CEP152: variants seen among roughly 807,000 people sequenced by gnomAD.
The protein encoded by CEP152 is centrosomal protein of 152 kDa.
A neutral mutation model predicts 188.9 loss-of-function variants in CEP152; 132 were observed. That is an observed-to-expected ratio of 0.70 (90% CI 0.61 to 0.81). The LOEUF (loss-of-function observed/expected upper bound fraction) is 0.81, where lower values mean the gene tolerates loss of function less well. CEP152 is among the 30% of genes least tolerant of loss of function. The pLI is 0.00. For missense variants in CEP152, 1,914 were observed against 1,969.8 expected, an observed-to-expected ratio of 0.97 and a Z score of 0.54; for synonymous variants, 649 against 666.6, an observed-to-expected ratio of 0.97 and a Z score of 0.41.
rs1432380278 is a variant in CEP152, at chr15:48,741,602, T to C, written c.4092A>G (p.Ser1364=). 1 of 1,614,180 alleles carries C rather than the reference T, an allele frequency of 6.2e-7. No individual in the cohort carries two copies. Residue 1364 remains serine, a splice_region_variant and synonymous_variant, in exon 26 of 27, where the codon TCA becomes TCG. Transcript: ENST00000380950. ...SSKSQSKTTQ[S]ALPLTSEMLI... is the part of the protein sequence containing the mutation. ...ATTTGGCGACTCACTTTGACATACCTGACTGTGTAGTTTTGCTTTGGGACT... is the reference window on the plus strand; with the variant it reads ...ATTTGGCGACTCACTTTGACATACCCGACTGTGTAGTTTTGCTTTGGGACT...
Position 48,738,148 on chromosome 15 carries a change from A to G in CEP152, c.*101T>C. ...TACTTATATAACAGATGTTATTAAA[A>G]CATCTCAAAAGAGGCAGGGCTCACA... On this transcript the variant is annotated 3_prime_UTR_variant, in exon 27 of 27. Coordinates refer to ENST00000380950, the MANE Select transcript of CEP152 (RefSeq NM_001194998.2). The G allele has an allele frequency of 3.3e-6, 4 of 1,213,882 alleles. No homozygotes were observed. Among genetic ancestry groups the G allele is most frequent in the Non-Finnish European group, 4.5e-6 (4 of 887,292 alleles). 75.2% of individuals were successfully genotyped at this position (1,213,882 alleles called of 1,614,324 possible). A position where few individuals can be genotyped will look rare whatever the true frequency, so the allele number is the denominator to read the frequency against.
chr15:48,768,422 C>T, intron 14 of CEP152, 94 bp from the exon 15 acceptor site: 1 of 715,192 alleles, frequency 1.4e-6, no homozygotes, highest in Non-Finnish European at 2.4e-6. Flanking sequence ...TCTATGCTTT[C>T]TCTCTCCCCT....
chr15:48,736,846 C>T (rs1390164743), downstream of CEP152, among the ~76,000 whole-genome samples: 1 of 152,166 alleles, frequency 6.6e-6, no homozygotes, highest in Non-Finnish European at 1.5e-5. Context: ...AGCCTAGATT[C>T]TAAGTTTACT....
At chr15:48,740,727 T>C (rs1166662293) in intron 26 of CEP152, 2 of 147,026 alleles carry the variant, frequency 1.4e-5, no homozygotes, top group Admixed American at 7.1e-5. Context: ...CGGACTCAAG[T>C]GATCCTCCCA....
chr15:48,758,634 G>A (rs763469627), intron 19 of CEP152, among the ~76,000 whole-genome samples: 18 of 143,190 alleles, frequency 1.3e-4, no homozygotes, highest in Non-Finnish European at 2.4e-4. Context: ...CAGGAGAATC[G>A]CTTGAACCCA....
intron 2 of CEP152, among the ~76,000 whole-genome samples, chr15:48,802,335 C>T (rs1437959502): frequency 6.6e-6 from 1 of 152,116 alleles, no homozygotes; most frequent in African/African-American, 2.4e-5. Context: ...GAAAATAATG[C>T]CCTCCAGTTA....
At chr15:48,759,535 T>C (rs1054364599) in intron 19 of CEP152, among the ~76,000 whole-genome samples, 11 of 152,210 alleles carry the variant, frequency 7.2e-5, no homozygotes, top group African/African-American at 2.4e-4. Context: ...TATTCCATTA[T>C]GTGTTAGGGC....
intron 9 of CEP152, among the ~76,000 whole-genome samples, chr15:48,784,600 G>C (rs1041491591): frequency 6.6e-6 from 1 of 151,998 alleles, no homozygotes. Context: ...ATTCCATTAA[G>C]AGCAGCCAAA....
chr15:48,782,952 A>G (rs546849751), intron 10 of CEP152, among the ~76,000 whole-genome samples: 4 of 152,200 alleles, frequency 2.6e-5, no homozygotes, highest in African/African-American at 4.8e-5. Context: ...ATAAAGCATA[A>G]TCCAAATTTT....
At position 48,771,423 on chromosome 15, in the gene CEP152, C is replaced by G. The variant is rs910670335; in HGVS notation, c.1782+1064G>C. Reference sequence around the variant, plus strand: ...ACCATCATCACTATATAATTAATGTCCTCATATAGAATGACTTTTGTTGTA... The same window carrying G: ...ACCATCATCACTATATAATTAATGTGCTCATATAGAATGACTTTTGTTGTA... On this transcript the variant is annotated intron_variant, in intron 13 of 26. Transcript: ENST00000380950. Among the ~76,000 whole-genome samples the G allele has an allele frequency of 1.8e-4, 27 of 152,214 alleles. 1 individual carries two copies. The South Asian group carries it at 3.3e-3, about 19-fold the overall frequency.
chr15:48,751,287 T>G (rs1454293757), intron 21 of CEP152, among the ~76,000 whole-genome samples: 1 of 152,174 alleles, frequency 6.6e-6, no homozygotes, highest in African/African-American at 2.4e-5. Flanking sequence ...CTAAGTAACA[T>G]CCAAAACTTG....
chr15:48,805,638 G>A lies in CEP152; in HGVS notation c.12C>T (p.Asp4=). Residue 4 remains aspartate, a synonymous_variant, in exon 2 of 27, where the codon GAC becomes GAT. Coordinates refer to ENST00000380950, the MANE Select transcript of CEP152 (RefSeq NM_001194998.2). The part of the protein sequence containing the change: MSL[D]FGSVALPVQN... ...GCACTGGTAGTGCCACACTGCCAAA[G>A]TCTAATGACATGGTCCTCCTGTGGG... The A allele has an allele frequency of 6.2e-7, 1 of 1,604,430 alleles. No individual in the cohort carries two copies. Among genetic ancestry groups the A allele is most frequent in the Non-Finnish European group, 8.5e-7 (1 of 1,175,742 alleles).
In CEP152 at chr15:48,788,979, G is replaced by A. The variant is rs201737930; in HGVS notation, c.995C>T (p.Thr332Ile). Residue 332 changes from threonine (T) to isoleucine (I), a missense_variant, in exon 9 of 27, where the codon ACT becomes ATT. Physicochemically the swap from Thr to Ile is moderately conservative, Grantham distance 89. Coordinates refer to ENST00000380950, the MANE Select transcript of CEP152 (RefSeq NM_001194998.2). ...CTTCAAGCTTTCCAGAGCCATTTCA[G>A]TTGTTCTGGACTTCTTGATCATCTA... ...EEQMIKKSRT[T>I]EMALESLKQQ... is the part of the protein sequence containing the mutation. 2.5e-6 allele frequency: 4 copies of A among 1,613,996 alleles called. No homozygotes were observed. Among genetic ancestry groups the A allele is most frequent in the Non-Finnish European group, 3.4e-6 (4 of 1,179,984 alleles).
intron 9 of CEP152, among the ~76,000 whole-genome samples, chr15:48,786,916 A>C (rs1340127542): frequency 1.3e-5 from 2 of 152,054 alleles, no homozygotes; most frequent in African/African-American, 4.8e-5. Flanking sequence ...ATCCATCCCT[A>C]ATGAAACTGT....
At chr15:48,803,436 G>A (rs1897796790) in intron 2 of CEP152, among the ~76,000 whole-genome samples, 1 of 152,158 alleles carries the variant, frequency 6.6e-6, no homozygotes, top group South Asian at 2.1e-4. Context: ...TCCGAAGTTT[G>A]TTACTAAAAT....
intron 17 of CEP152, among the ~76,000 whole-genome samples, chr15:48,766,302 A>C (rs1414036501): frequency 6.6e-6 from 1 of 152,230 alleles, no homozygotes; most frequent in Non-Finnish European, 1.5e-5. Context: ...TAAGCATTTA[A>C]AAATATTTTC....
At chr15:48,758,623 G>A (rs936729620) in intron 19 of CEP152, among the ~76,000 whole-genome samples, 3 of 147,650 alleles carry the variant, frequency 2.0e-5, no homozygotes, top group Admixed American at 6.9e-5. Flanking sequence ...GGAGGCAGAG[G>A]CAGGAGAATC....
At position 48,738,606 on chromosome 15, in the gene CEP152, A is replaced by G. The variant is rs1566970983; in HGVS notation, c.4776T>C (p.His1592=). Residue 1592 remains histidine (H), a synonymous_variant, in exon 27 of 27, where the codon CAT becomes CAC. Coordinates refer to ENST00000380950, the MANE Select transcript of CEP152 (RefSeq NM_001194998.2). Reference sequence around the variant, plus strand: ...TTTCCAAAGTTCCTTGTGGCCTACCATGTACAAATGATGCTTCACGACTGT... The same window carrying G: ...TTTCCAAAGTTCCTTGTGGCCTACCGTGTACAAATGATGCTTCACGACTGT... ...SFDSREASFV[H]GRPQGTLEIP... The G allele has an allele frequency of 6.2e-7, 1 of 1,614,182 alleles. No homozygotes were observed. The highest frequency in any genetic ancestry group is 8.5e-7 in the Non-Finnish European group (1 of 1,180,016).
At chr15:48,773,179 C>T (rs764761763) in intron 12 of CEP152, 1 of 156,500 alleles carries the variant, frequency 6.4e-6, no homozygotes, top group African/African-American at 2.4e-5. Context: ...CTAATTTAAA[C>T]CCAATTTTAG....
Sources: allele counts gnomAD v4.1 joint callset (sites outside exome capture counted in the v4.1 genomes callset), GRCh38; gene constraint gnomAD v4.1.1; transcripts MANE v1.5; gene names NCBI Gene and HGNC (gene_info 2026-07-23, HGNC 2026-07-21).